CDH12: variants seen among roughly 807,000 people sequenced by gnomAD.
CDH12 encodes the protein cadherin-12.
A neutral mutation model predicts 74.1 loss-of-function variants in CDH12; 41 were observed. The ratio of observed to expected loss-of-function variants is 0.55; its 90% CI spans 0.43 to 0.72. The LOEUF is 0.72. Among genes scored for constraint, CDH12 ranks in the 30% least tolerant of loss-of-function variants. The pLI, the probability that CDH12 is intolerant of heterozygous loss-of-function variation, is 0.00. For missense variants in CDH12, 945 were observed against 977.2 expected, an observed-to-expected ratio of 0.97 and a Z score of 0.44; for synonymous variants, 399 against 355.0, an observed-to-expected ratio of 1.12 and a Z score of -1.39.
chr5:22,015,355 A>G (rs1044431108), intron 5 of CDH12, among the ~76,000 whole-genome samples: 2 of 152,172 alleles, frequency 1.3e-5, no homozygotes, highest in Non-Finnish European at 2.9e-5. Flanking sequence ...AACTTATCAC[A>G]TAGTAGAGAT....
intron 4 of CDH12, among the ~76,000 whole-genome samples, chr5:22,181,428 T>A (rs1246788315): frequency 6.6e-6 from 1 of 152,156 alleles, no homozygotes; most frequent in Non-Finnish European, 1.5e-5. Context: ...AAACATAAAA[T>A]ACTGAAATTC....
At chr5:21,935,173 A>G (rs1435258337) in intron 6 of CDH12, among the ~76,000 whole-genome samples, 2 of 151,966 alleles carry the variant, frequency 1.3e-5, no homozygotes, top group African/African-American at 4.8e-5. Context: ...TCATATTTGG[A>G]TGGCTTTTCA....
At chr5:22,839,235 A>G (rs947390524) in intron 1 of CDH12, among the ~76,000 whole-genome samples, 1 of 152,158 alleles carries the variant, frequency 6.6e-6, no homozygotes, top group African/African-American at 2.4e-5. Flanking sequence ...AAATATTTAC[A>G]ATTTATTTAA....
chr5:22,244,670 GAA>G (rs1403843821), intron 3 of CDH12, among the ~76,000 whole-genome samples: 5 of 143,190 alleles, frequency 3.5e-5, no homozygotes, highest in Admixed American at 2.2e-4. Flanking sequence ...AGGAAAGAAA[GAA>G]AGAGAAGGAA....
chr5:22,455,266 G>A (rs1240721616), intron 2 of CDH12, among the ~76,000 whole-genome samples: 2 of 151,952 alleles, frequency 1.3e-5, no homozygotes, highest in African/African-American at 2.4e-5. Context: ...AAAGTGGTGG[G>A]GAAAAATTAT....
chr5:21,962,071 T>C (rs1181940594), intron 6 of CDH12, among the ~76,000 whole-genome samples: 1 of 152,200 alleles, frequency 6.6e-6, no homozygotes, highest in Non-Finnish European at 1.5e-5. Context: ...ATTGGCTTTA[T>C]ACCCTTCATA....
At position 22,060,032 on chromosome 5, in the gene CDH12, G is replaced by A. The variant is rs149240313; in HGVS notation, c.231+18414C>T. 3.1e-3 allele frequency among the ~76,000 whole-genome samples: 471 copies of A among 152,198 alleles called. 2 individuals are homozygous for A. Among genetic ancestry groups the A allele is most frequent in the Non-Finnish European group, 5.0e-3 (340 of 68,014 alleles). ...ACCAACATCACTAAGAGCCAGGAAT[G>A]GACTTGGGACATTTATTCATATAAT... On this transcript the variant is annotated intron_variant, in intron 5 of 14. Transcript: ENST00000382254.
At chr5:22,327,743 A>G (rs1739181781) in intron 3 of CDH12, among the ~76,000 whole-genome samples, 1 of 152,190 alleles carries the variant, frequency 6.6e-6, no homozygotes, top group Admixed American at 6.5e-5. Flanking sequence ...TCATCTCCTG[A>G]TAAAATACCC....
In CDH12 at chr5:21,990,408, G is replaced by A. The variant is rs115717396; in HGVS notation, c.232-15023C>T. On this transcript the variant is annotated intron_variant, in intron 5 of 14. Coordinates refer to ENST00000382254, the MANE Select transcript of CDH12 (RefSeq NM_004061.5). ...GAAACCCATCACTTATTACATTTGC[G>A]TTATTGTGTAAATTACTGAATTTCT... Among the ~76,000 whole-genome samples, 1,306 of 152,078 alleles carry A rather than the reference G, an allele frequency of 8.6e-3. 18 individuals are homozygous for A. The highest frequency in any genetic ancestry group is 0.029 in the African/African-American group (1,207 of 41,488).
chr5:22,703,060 T>A (rs889330155), intron 1 of CDH12, among the ~76,000 whole-genome samples: 1 of 152,164 alleles, frequency 6.6e-6, no homozygotes, highest in Non-Finnish European at 1.5e-5. Context: ...TTTAGCAACA[T>A]TCTATTTGCT....
intron 1 of CDH12, among the ~76,000 whole-genome samples, chr5:22,743,218 T>C (rs547440472): frequency 1.3e-5 from 2 of 150,262 alleles, no homozygotes; most frequent in South Asian, 2.1e-4. Context: ...TCACTCATAC[T>C]GCAAATCTTG....
At chr5:22,654,694 G>A (rs1227410424) in intron 1 of CDH12, among the ~76,000 whole-genome samples, 1 of 150,866 alleles carries the variant, frequency 6.6e-6, no homozygotes. Context: ...GGAGTGCAAT[G>A]TCTCCATCTC....
intron 6 of CDH12, among the ~76,000 whole-genome samples, chr5:21,942,619 T>C (rs954356866): frequency 6.6e-6 from 1 of 151,914 alleles, no homozygotes; most frequent in African/African-American, 2.4e-5. Context: ...TGCAGAAATG[T>C]ATATCTGTGT....
intron 11 of CDH12, among the ~76,000 whole-genome samples, chr5:21,781,003 CTG>C (rs1745875712): frequency 6.6e-6 from 1 of 152,130 alleles, no homozygotes; most frequent in Admixed American, 6.6e-5. Context: ...GAAGGGGAGA[CTG>C]TCATTCTCTT....
At chr5:22,630,630 C>A (rs1738536185) in intron 1 of CDH12, among the ~76,000 whole-genome samples, 1 of 152,030 alleles carries the variant, frequency 6.6e-6, no homozygotes. Flanking sequence ...ATGCCACATA[C>A]AAAAATCAGC....
At chr5:22,255,459 C>G (rs949453140) in intron 3 of CDH12, among the ~76,000 whole-genome samples, 9 of 151,606 alleles carry the variant, frequency 5.9e-5, no homozygotes, top group Non-Finnish European at 1.3e-4. Context: ...TTTTTTGTTA[C>G]ATCATTAGCC....
At chr5:21,939,491 T>A (rs947856826) in intron 6 of CDH12, among the ~76,000 whole-genome samples, 3 of 151,972 alleles carry the variant, frequency 2.0e-5, no homozygotes, top group Admixed American at 1.3e-4. Context: ...TTTCTTTTAT[T>A]TAAAAAATAC....
chr5:22,664,391 AAGG>A (rs911006868), intron 1 of CDH12, among the ~76,000 whole-genome samples: 21 of 152,128 alleles, frequency 1.4e-4, no homozygotes, highest in East Asian at 9.7e-4. Flanking sequence ...AGGCAGCAGG[AAGG>A]AGAAGTGCCA....
intron 1 of CDH12, among the ~76,000 whole-genome samples, chr5:22,809,126 C>G (rs1356564102): frequency 6.6e-6 from 1 of 151,020 alleles, no homozygotes; most frequent in Non-Finnish European, 1.5e-5. Context: ...TTCTGATGAG[C>G]CTACAGTTAC....
Sources: gnomAD v4.1 joint callset for allele counts (sites outside exome capture counted in the v4.1 genomes callset) on GRCh38, gnomAD v4.1.1 for gene constraint, MANE v1.5 for transcripts, NCBI Gene and HGNC (gene_info 2026-07-23, HGNC 2026-07-21) for gene names.